The following MAP2K5 variants were observed in gnomAD, a reference collection of about 807,000 sequenced individuals.
The protein encoded by MAP2K5 is mitogen-activated protein kinase kinase 5, also known as dual specificity mitogen-activated protein kinase kinase 5.
A neutral mutation model predicts 83.1 loss-of-function variants in MAP2K5; 49 were observed. That is an observed-to-expected ratio of 0.59 (90% CI 0.47 to 0.75). MAP2K5 has a LOEUF of 0.75. Among genes scored for constraint, MAP2K5 ranks in the 30% least tolerant of loss-of-function variants. MAP2K5 has a pLI of 0.00. For synonymous variants in MAP2K5, 202 were observed against 191.8 expected (o/e 1.05, Z -0.44); for missense variants, 457 against 557.5 (o/e 0.82, Z 1.82).
At chr15:67,691,461 C>T (rs575781233) in intron 13 of MAP2K5, among the ~76,000 whole-genome samples, 4 of 152,178 alleles carry the variant, frequency 2.6e-5, no homozygotes, top group South Asian at 2.1e-4. Flanking sequence ...ACCCTTTTGC[C>T]GGATGGAAGG....
chr15:67,567,141 C>G (rs1454899080), intron 3 of MAP2K5, among the ~76,000 whole-genome samples: 1 of 152,104 alleles, frequency 6.6e-6, no homozygotes, highest in African/African-American at 2.4e-5. Flanking sequence ...AATTTGGTCT[C>G]CAAGGAGATA....
intron 11 of MAP2K5, among the ~76,000 whole-genome samples, chr15:67,654,599 G>A (rs12439136): frequency 0.98 from 149,563 of 152,266 alleles, 73,520 homozygotes; most frequent in Middle Eastern, 1. Context: ...ATGTTCTGTT[G>A]TTGCTTTCTT....
In MAP2K5 at chr15:67,652,353, T is replaced by C. The variant is rs1469645490; in HGVS notation, c.736+5884T>C. On this transcript the variant is annotated intron_variant, in intron 11 of 21. Transcript: ENST00000178640. The surrounding 1 kb of genome is among the most constrained non-coding windows in gnomAD (Gnocchi z 4.2). ...TGGGTAATTTATAAAGAAAAGTGGT[T>C]TATTTGGCTTATTATTTTGCAGGCT... is the stretch of plus-strand genomic sequence containing the variant. Among the ~76,000 whole-genome samples the C allele has an allele frequency of 9.9e-5, 15 of 152,216 alleles. No homozygotes were observed. Among genetic ancestry groups the C allele is most frequent in the Admixed American group, 9.8e-4 (15 of 15,280 alleles).
At chr15:67,711,367 C>G (rs534319938) in intron 16 of MAP2K5, among the ~76,000 whole-genome samples, 50 of 152,288 alleles carry the variant, frequency 3.3e-4, no homozygotes, top group African/African-American at 1.2e-3. Context: ...GGTATCAGAT[C>G]CAGATTTGAA....
chr15:67,677,117 T>G lies in MAP2K5; in HGVS notation c.847+12472T>G, dbSNP rs558303043. Among the ~76,000 whole-genome samples the G allele has an allele frequency of 6.6e-6, 1 of 152,322 alleles. No individual in the cohort carries two copies. The highest frequency in any genetic ancestry group is 3.4e-3 in the Middle Eastern group (1 of 294). On this transcript the variant is annotated intron_variant, in intron 13 of 21. Transcript: ENST00000178640. This position sits in a 1 kb window ranked among gnomAD's most constrained non-coding sequence, Gnocchi z 4.2. The stretch of plus-strand genomic sequence containing the variant: ...CTGTGAGTATAAAGAACTTAAAACA[T>G]CTGGGCTATTTTCTTTGTGAACTTC...
rs1387779914 is a variant in MAP2K5 at position 67,677,305 on chromosome 15, AC to A, written c.847+12662del. On this transcript the variant is annotated intron_variant, in intron 13 of 21. Transcript: ENST00000178640. The surrounding 1 kb of genome is among the most constrained non-coding windows in gnomAD (Gnocchi z 4.2). ...TGGGCAAGTAATTTCATTAATTTGAACCTCAATTTCCTCCTCTGTAAAATGG... is the reference window on the plus strand; with the variant it reads ...TGGGCAAGTAATTTCATTAATTTGAACTCAATTTCCTCCTCTGTAAAATGG... Among the ~76,000 whole-genome samples the A allele has an allele frequency of 1.3e-5, 2 of 152,120 alleles. No homozygotes were observed. The highest frequency in any genetic ancestry group is 6.6e-5 in the Admixed American group (1 of 15,264).
chr15:67,609,615 G>A (rs28690569), intron 8 of MAP2K5, among the ~76,000 whole-genome samples: 230 of 1,974 alleles, frequency 0.12, 46 homozygotes, highest in Admixed American at 0.2. Flanking sequence ...CTATAGGTCT[G>A]TAGATTCTGT....
At chr15:67,761,575 C>T (rs2089949841) in intron 19 of MAP2K5, among the ~76,000 whole-genome samples, 1 of 152,152 alleles carries the variant, frequency 6.6e-6, no homozygotes, top group African/African-American at 2.4e-5. Flanking sequence ...TTCAGGAGGA[C>T]ATACAGTGTG....
intron 12 of MAP2K5, among the ~76,000 whole-genome samples, chr15:67,662,334 C>A (rs2087257542): frequency 6.6e-6 from 1 of 152,128 alleles, no homozygotes; most frequent in South Asian, 2.1e-4. Flanking sequence ...GCATATTTAG[C>A]CCCTAACCTT....
In MAP2K5 at chr15:67,597,031, T is replaced by C. The variant is rs76511969; in HGVS notation, c.481-3654T>C. The stretch of plus-strand genomic sequence containing the variant: ...TTAAAAAAATACAATTAGCTGGGCA[T>C]GGTGGTGGGCGCCTGTAGTCCCAGC... On this transcript the variant is annotated intron_variant, in intron 7 of 21. Transcript: ENST00000178640. Among the ~76,000 whole-genome samples the C allele has an allele frequency of 6.4e-3, 965 of 151,906 alleles. 8 individuals are homozygous for C. The highest frequency in any genetic ancestry group is 9.2e-3 in the Non-Finnish European group (623 of 67,936).
At chr15:67,653,756 T>A (rs2087005430) in intron 11 of MAP2K5, among the ~76,000 whole-genome samples, 1 of 152,150 alleles carries the variant, frequency 6.6e-6, no homozygotes, top group African/African-American at 2.4e-5. Context: ...TCTCCTTCTG[T>A]TTAAGGTAGC....
chr15:67,683,282 G>A (rs1488254794), intron 13 of MAP2K5, among the ~76,000 whole-genome samples: 1 of 152,068 alleles, frequency 6.6e-6, no homozygotes, highest in African/African-American at 2.4e-5. Context: ...TTAAATTAGG[G>A]GAGCTGTCCT....
At chr15:67,571,157 C>A (rs932052574) in intron 3 of MAP2K5, among the ~76,000 whole-genome samples, 1 of 152,192 alleles carries the variant, frequency 6.6e-6, no homozygotes, top group Non-Finnish European at 1.5e-5. Context: ...AGTGATTTCT[C>A]AGGTTTTTGA....
At chr15:67,791,129 G>C (rs1242720832) in intron 21 of MAP2K5, among the ~76,000 whole-genome samples, 2 of 152,196 alleles carry the variant, frequency 1.3e-5, no homozygotes, top group African/African-American at 2.4e-5. Flanking sequence ...CATGGCCCTA[G>C]TGCCCTTCTT....
chr15:67,584,594 A>G (rs1161457016), intron 4 of MAP2K5, among the ~76,000 whole-genome samples: 2 of 152,116 alleles, frequency 1.3e-5, no homozygotes, highest in East Asian at 1.9e-4. Context: ...GAAAAATAAC[A>G]TAATAAATTT....
chr15:67,724,187 GT>G lies in MAP2K5; in HGVS notation c.1045-3726del, dbSNP rs2089035028. 6.6e-6 allele frequency among the ~76,000 whole-genome samples: 1 copy of G among 152,108 alleles called. No individual in the cohort carries two copies. The highest frequency in any genetic ancestry group is 2.4e-5 in the African/African-American group (1 of 41,414). ...GAAGATTACATACTCTCTTTTGTAA[GT>G]TTCCTAATTTATAATACCTTGACAA... On this transcript the variant is annotated intron_variant, in intron 16 of 21. Transcript: ENST00000178640. The surrounding 1 kb of genome is among the most constrained non-coding windows in gnomAD (Gnocchi z 4.4).
chr15:67,579,309 G>C (rs1398401395), intron 3 of MAP2K5, among the ~76,000 whole-genome samples: 2 of 152,308 alleles, frequency 1.3e-5, no homozygotes, highest in African/African-American at 4.8e-5. Context: ...CAGACTACTT[G>C]TTAACAGTTA....
At chr15:67,568,621 C>T (rs1423260967) in intron 3 of MAP2K5, among the ~76,000 whole-genome samples, 1 of 152,120 alleles carries the variant, frequency 6.6e-6, no homozygotes, top group Admixed American at 6.5e-5. Context: ...TATAGTCCTG[C>T]TCAGCTTTGC....
chr15:67,577,094 C>G lies in MAP2K5; in HGVS notation c.253-3660C>G, dbSNP rs532922041. ...GGGACTACAGGCGCCCGCCACCGTG[C>G]CCGGCTAATTTTTTGTATTTTTAGT... On this transcript the variant is annotated intron_variant, in intron 3 of 21. Transcript: ENST00000178640. This position sits in a 1 kb window ranked among gnomAD's most constrained non-coding sequence, Gnocchi z 4.1. Among the ~76,000 whole-genome samples, 926 of 149,962 alleles carry G rather than the reference C, an allele frequency of 6.2e-3. 14 individuals carry two copies. Among genetic ancestry groups the G allele is most frequent in the Non-Finnish European group, 9.0e-3 (608 of 67,382 alleles).
Sources: gnomAD v4.1 joint callset for allele counts (sites outside exome capture counted in the v4.1 genomes callset) on GRCh38, gnomAD v4.1.1 for gene constraint, Gnocchi (gnomAD v3.1) non-coding constraint, MANE v1.5 for transcripts, NCBI Gene and HGNC (gene_info 2026-07-23, HGNC 2026-07-21) for gene names.